DAAM1: variants seen among roughly 807,000 people sequenced by gnomAD.
DAAM1 encodes dishevelled associated activator of morphogenesis 1.
In DAAM1, 52 loss-of-function variants were observed where a neutral mutation model predicts 130.0. The ratio of observed to expected loss-of-function variants is 0.40; its 90% CI spans 0.32 to 0.50. The LOEUF is 0.50. Among genes scored for constraint, DAAM1 ranks in the 20% least tolerant of loss-of-function variants. DAAM1 has a pLI of 0.61. For missense variants in DAAM1, 1,134 were observed against 1,303.8 expected, an observed-to-expected ratio of 0.87 and a Z score of 2.01; for synonymous variants, 452 against 444.5, an observed-to-expected ratio of 1.02 and a Z score of -0.21.
intron 1 of DAAM1, among the ~76,000 whole-genome samples, chr14:59,236,424 C>T (rs919555944): frequency 2.0e-5 from 3 of 152,054 alleles, no homozygotes; most frequent in East Asian, 1.9e-4. Flanking sequence ...GTACATTCGC[C>T]GCCTTTTTGT....
chr14:59,350,393 CCACACATA>C, intron 17 of DAAM1, among the ~76,000 whole-genome samples: 1 of 152,036 alleles, frequency 6.6e-6, no homozygotes, highest in East Asian at 1.9e-4. Flanking sequence ...CACACATATA[CCACACATA>C]CACACCTACA....
chr14:59,305,255 A>G (rs948520961), intron 3 of DAAM1, among the ~76,000 whole-genome samples: 1 of 152,214 alleles, frequency 6.6e-6, no homozygotes, highest in African/African-American at 2.4e-5. Context: ...AATTTGTTTT[A>G]TGTCATTGCA....
chr14:59,259,984 C>T (rs1882094806), intron 1 of DAAM1, among the ~76,000 whole-genome samples: 1 of 152,100 alleles, frequency 6.6e-6, no homozygotes, highest in Non-Finnish European at 1.5e-5. Context: ...GCGGAGCTTG[C>T]AGTGAGCTGA....
At chr14:59,280,471 T>C (rs1272882723) in intron 2 of DAAM1, among the ~76,000 whole-genome samples, 1 of 151,364 alleles carries the variant, frequency 6.6e-6, no homozygotes, top group Non-Finnish European at 1.5e-5. Flanking sequence ...TCACTATATC[T>C]TGAAATATCC....
intron 19 of DAAM1, among the ~76,000 whole-genome samples, chr14:59,354,884 A>G (rs1392084549): frequency 6.6e-6 from 1 of 152,242 alleles, no homozygotes; most frequent in Non-Finnish European, 1.5e-5. Context: ...GATATTCCTC[A>G]GTGCTTATGA....
chr14:59,316,516 T>C (rs1884802980), intron 4 of DAAM1, among the ~76,000 whole-genome samples: 1 of 152,198 alleles, frequency 6.6e-6, no homozygotes. Flanking sequence ...CATAAGTTTT[T>C]CCCCAAGGGT....
intron 16 of DAAM1, among the ~76,000 whole-genome samples, chr14:59,344,020 TC>T (rs995234141): frequency 3.3e-5 from 5 of 152,046 alleles, no homozygotes; most frequent in African/African-American, 1.2e-4. Context: ...TCTGTTTTAT[TC>T]CCCAAAACAG....
intron 2 of DAAM1, among the ~76,000 whole-genome samples, chr14:59,275,103 G>A (rs1164793043): frequency 6.6e-6 from 1 of 152,306 alleles, no homozygotes; most frequent in East Asian, 1.9e-4. Flanking sequence ...TGCTATCGAA[G>A]GAGGTGGCCA....
At chr14:59,349,019 C>T (rs1476170727) in intron 17 of DAAM1, among the ~76,000 whole-genome samples, 1 of 152,214 alleles carries the variant, frequency 6.6e-6, no homozygotes. Flanking sequence ...AAAAGTATCT[C>T]CTGAACCCAA....
chr14:59,303,715 C>A (rs1368668576), intron 3 of DAAM1, among the ~76,000 whole-genome samples: 1 of 152,000 alleles, frequency 6.6e-6, no homozygotes, highest in African/African-American at 2.4e-5. Context: ...TGGGACCCAA[C>A]GTGGCGAAAC....
In DAAM1 at chr14:59,252,402, A is replaced by G. The variant is rs563093039; in HGVS notation, c.-37-11039A>G. On this transcript the variant is annotated intron_variant, in intron 1 of 24. Transcript: ENST00000360909. The stretch of plus-strand genomic sequence containing the variant: ...GGTATGCAAATATCAGAGTTTTTGT[A>G]CAGTTGTTTGGATTGGAATATTAAA... Among the ~76,000 whole-genome samples the G allele has an allele frequency of 2.4e-4, 36 of 152,342 alleles. No individual in the cohort carries two copies. In the Middle Eastern group the frequency reaches 0.014, roughly 58 times the overall value.
At chr14:59,272,154 A>G (rs1882739470) in intron 2 of DAAM1, among the ~76,000 whole-genome samples, 1 of 152,234 alleles carries the variant, frequency 6.6e-6, no homozygotes, top group African/African-American at 2.4e-5. Context: ...GGGAATTGAT[A>G]CTAAAATTGT....
intron 1 of DAAM1, among the ~76,000 whole-genome samples, chr14:59,210,709 TTCTTAA>T (rs1888401143): frequency 6.6e-6 from 1 of 152,232 alleles, no homozygotes; most frequent in Non-Finnish European, 1.5e-5. Context: ...CCTTAGTGTT[TTCTTAA>T]TCTTAGTAGT....
At chr14:59,227,743 G>A (rs574716718) in intron 1 of DAAM1, among the ~76,000 whole-genome samples, 1 of 152,258 alleles carries the variant, frequency 6.6e-6, no homozygotes, top group South Asian at 2.1e-4. Flanking sequence ...TCTTTTGAGG[G>A]TAGGGATAGG....
At chr14:59,216,945 C>T (rs1172179612) in intron 1 of DAAM1, among the ~76,000 whole-genome samples, 1 of 151,596 alleles carries the variant, frequency 6.6e-6, no homozygotes, top group African/African-American at 2.4e-5. Flanking sequence ...GTTTGTAGCC[C>T]AGCGATGCTT....
chr14:59,268,420 C>G (rs758722807), intron 2 of DAAM1, among the ~76,000 whole-genome samples: 1 of 152,176 alleles, frequency 6.6e-6, no homozygotes, highest in African/African-American at 2.4e-5. Context: ...AACTTTCAGA[C>G]TGTTTCAAAA....
chr14:59,282,468 A>G (rs964561405), intron 2 of DAAM1, among the ~76,000 whole-genome samples: 4 of 152,200 alleles, frequency 2.6e-5, no homozygotes, highest in Admixed American at 2.6e-4. Context: ...TACGTAAGCC[A>G]TAAAGCCAGA....
At chr14:59,364,263 C>T (rs1301905164) in intron 23 of DAAM1, among the ~76,000 whole-genome samples, 11 of 152,012 alleles carry the variant, frequency 7.2e-5, no homozygotes. Flanking sequence ...AGGATACTAC[C>T]TGTATAAATC....
chr14:59,189,150 C>G (rs1354829650), intron 1 of DAAM1, among the ~76,000 whole-genome samples: 4 of 152,074 alleles, frequency 2.6e-5, no homozygotes, highest in Non-Finnish European at 5.9e-5. Flanking sequence ...GGGCTGGGGC[C>G]GCGGGTACTG....
Sources: allele counts gnomAD v4.1 joint callset (sites outside exome capture counted in the v4.1 genomes callset), GRCh38; gene constraint gnomAD v4.1.1; transcripts MANE v1.5; gene names NCBI Gene and HGNC (gene_info 2026-07-23, HGNC 2026-07-21).